IL34: variants seen among roughly 807,000 people sequenced by gnomAD.
IL34 encodes interleukin-34.
A neutral mutation model predicts 25.3 loss-of-function variants in IL34; 17 were observed. The ratio of observed to expected loss-of-function variants is 0.67; its 90% CI spans 0.46 to 1.01. The LOEUF is 1.01. IL34 is among the 50% of genes least tolerant of loss of function. IL34 has a pLI of 0.00. For synonymous variants in IL34, 174 were observed against 140.9 expected, an observed-to-expected ratio of 1.23 and a Z score of -1.66; for missense variants, 368 against 312.9, an observed-to-expected ratio of 1.18 and a Z score of -1.33.
At chr16:70,590,316 C>T (rs755919562) in intron 1 of IL34, among the ~76,000 whole-genome samples, 46 of 152,258 alleles carry the variant, frequency 3.0e-4, no homozygotes, top group Admixed American at 4.6e-4. Flanking sequence ...TTTGGGCTCA[C>T]GCTAGAGAAC....
At chr16:70,657,635 C>T (rs1438299009) in intron 4 of IL34, among the ~76,000 whole-genome samples, 2 of 152,180 alleles carry the variant, frequency 1.3e-5, no homozygotes, top group East Asian at 1.9e-4. Flanking sequence ...ATAAGCCAGT[C>T]CTGGTGGTGG....
intron 1 of IL34, among the ~76,000 whole-genome samples, chr16:70,621,808 G>A (rs1203118826): frequency 6.6e-6 from 1 of 152,024 alleles, no homozygotes; most frequent in Non-Finnish European, 1.5e-5. Context: ...GGGCAGGAGT[G>A]GGGGTCGCAA....
At chr16:70,656,774 G>T in intron 3 of IL34, 95 bp downstream of exon 3, 2 of 953,686 alleles carry the variant, frequency 2.1e-6, no homozygotes, top group East Asian at 4.8e-5. Context: ...AGGTGGTGCT[G>T]CTGGCCTGGG....
chr16:70,650,494 G>T (rs137991902), intron 1 of IL34, among the ~76,000 whole-genome samples: 1 of 152,204 alleles, frequency 6.6e-6, no homozygotes, highest in African/African-American at 2.4e-5. Context: ...GCCCCAGAAC[G>T]GGACACAGAG....
In IL34 at chr16:70,599,265, GTTTC is replaced by G. The variant is rs748787068; in HGVS notation, c.-401+19243_-401+19246del. On this transcript the variant is annotated intron_variant, in intron 1 of 6. Transcript: ENST00000429149. Reference sequence around the variant, plus strand: ...TCTTATACCTGTTATGTCAAGAACTGTTTCTTTCTTTCTTTCTTTCTTTCTTTCT... The same window carrying G: ...TCTTATACCTGTTATGTCAAGAACTGTTTCTTTCTTTCTTTCTTTCTTTCT... Among the ~76,000 whole-genome samples the G allele has an allele frequency of 3.4e-3, 474 of 139,172 alleles. 6 individuals carry two copies. The highest frequency in any genetic ancestry group is 0.012 in the East Asian group (58 of 4,786). 91.3% of individuals were successfully genotyped at this position (139,172 alleles called of 152,430 possible). A position where few individuals can be genotyped will look rare whatever the true frequency, so the allele number is the denominator to read the frequency against.
intron 3 of IL34, 36 bp from the exon 4 acceptor site, chr16:70,656,924 G>A (rs1597782754): frequency 5.0e-6 from 8 of 1,584,974 alleles, no homozygotes; most frequent in East Asian, 4.5e-5. Context: ...AGAGGCCCAT[G>A]TCTCCCGAGT....
intron 1 of IL34, among the ~76,000 whole-genome samples, chr16:70,605,165 G>C (rs968200819): frequency 1.3e-5 from 2 of 152,124 alleles, no homozygotes; most frequent in African/African-American, 4.8e-5. Context: ...GTGGAGCAAA[G>C]GATCCCGAGA....
chr16:70,657,155 G>A (rs1567468286), intron 4 of IL34, 34 bp downstream of exon 4: 1 of 1,604,906 alleles, frequency 6.2e-7, no homozygotes, highest in East Asian at 2.2e-5. Context: ...GGTGGGGTGT[G>A]TGTGTGTGCA....
At chr16:70,643,790 G>A (rs912665058), upstream of IL34, among the ~76,000 whole-genome samples, 9 of 151,674 alleles carry the variant, frequency 5.9e-5, no homozygotes, top group African/African-American at 2.0e-4. Context: ...AAAATTGAAC[G>A]TGGATTCTAT....
chr16:70,640,928 T>C (rs1269494624), intron 1 of IL34, among the ~76,000 whole-genome samples: 1 of 152,150 alleles, frequency 6.6e-6, no homozygotes, highest in African/African-American at 2.4e-5. Context: ...AAAGGCTGAA[T>C]GTACATACAG....
chr16:70,628,367 A>G (rs2051441399), intron 1 of IL34, among the ~76,000 whole-genome samples: 1 of 151,922 alleles, frequency 6.6e-6, no homozygotes, highest in Non-Finnish European at 1.5e-5. Context: ...GTTTTTTAGT[A>G]TATATCTTGC....
intron 1 of IL34, among the ~76,000 whole-genome samples, chr16:70,597,405 G>T (rs1461908506): frequency 6.6e-6 from 1 of 151,866 alleles, no homozygotes; most frequent in African/African-American, 2.4e-5. Context: ...TTTTTTCGTA[G>T]AGATGGGGTC....
rs532486484 is a variant in IL34 at position 70,660,117 on chromosome 16, C to A, written c.659C>A (p.Pro220His). The A allele has an allele frequency of 4.3e-6, 7 of 1,613,208 alleles. No individual in the cohort carries two copies. In the Middle Eastern group the frequency reaches 6.6e-4, roughly 152 times the overall value. The change falls in exon 6 of 6, where the codon CCC becomes CAC. Residue 220 changes from proline to histidine, a missense_variant. Coordinates refer to ENST00000288098, the MANE Select transcript of IL34 (RefSeq NM_001393494.1). ...TQLYPPPPWS[P>H]SSPPHSTGSV... The stretch of plus-strand genomic sequence containing the variant: ...CTGTACCCTCCGCCCCCGTGGTCCC[C>A]CAGCTCCCCGCCTCACTCCACGGGC...
At chr16:70,630,446 G>T (rs745444575) in intron 1 of IL34, among the ~76,000 whole-genome samples, 5 of 151,726 alleles carry the variant, frequency 3.3e-5, no homozygotes, top group Non-Finnish European at 7.4e-5. Context: ...TGGGCAGGCT[G>T]GTCTCGAATT....
intron 4 of IL34, among the ~76,000 whole-genome samples, chr16:70,658,456 G>A (rs538617076): frequency 6.6e-6 from 1 of 150,454 alleles, no homozygotes; most frequent in South Asian, 2.1e-4. Flanking sequence ...ACAGGACTGG[G>A]ATTACATCCT....
At chr16:70,634,845 T>A (rs1291835211) in intron 1 of IL34, among the ~76,000 whole-genome samples, 1 of 152,156 alleles carries the variant, frequency 6.6e-6, no homozygotes, top group African/African-American at 2.4e-5. Flanking sequence ...GTGTGCACGC[T>A]TTTGTGTCTG....
chr16:70,634,914 A>C (rs902238106), intron 1 of IL34, among the ~76,000 whole-genome samples: 1 of 151,640 alleles, frequency 6.6e-6, no homozygotes, highest in South Asian at 2.1e-4. Context: ...ACAGATCAGC[A>C]GTTCCTTTTA....
At chr16:70,619,568 G>A (rs200723461) in intron 1 of IL34, among the ~76,000 whole-genome samples, 3,622 of 151,758 alleles carry the variant, frequency 0.024, 252 homozygotes, top group East Asian at 0.21. Context: ...AGTTATGGAG[G>A]CAAGGGAAAC....
chr16:70,602,185 A>G (rs146928903), intron 1 of IL34, among the ~76,000 whole-genome samples: 86 of 152,262 alleles, frequency 5.6e-4, no homozygotes, highest in Non-Finnish European at 1.1e-3. Context: ...TGGCCTCACA[A>G]TCAGGCTTTT....
Sources: allele counts gnomAD v4.1 joint callset (sites outside exome capture counted in the v4.1 genomes callset), GRCh38; gene constraint gnomAD v4.1.1; transcripts MANE v1.5; gene names NCBI Gene and HGNC (gene_info 2026-07-23, HGNC 2026-07-21).